EBF1: variants seen among roughly 807,000 people sequenced by gnomAD.
The protein encoded by EBF1 is EBF transcription factor 1.
In EBF1, 10 loss-of-function variants were observed where a neutral mutation model predicts 68.4. The observed-to-expected ratio is 0.15, with a 90% CI of 0.09 to 0.25. The LOEUF is 0.25. Ranked by LOEUF, EBF1 falls within the 10% of genes least tolerant of loss-of-function variation. The probability of loss-of-function intolerance (pLI) is 1.00; values close to 1 mark genes in which losing one functional copy is unlikely to be tolerated. For synonymous variants in EBF1, 298 were observed against 299.8 expected (o/e 0.99, Z 0.06); for missense variants, 509 against 794.4 (o/e 0.64, Z 4.32).
chr5:158,879,371 G>A (rs945236833), intron 6 of EBF1, among the ~76,000 whole-genome samples: 1 of 152,198 alleles, frequency 6.6e-6, no homozygotes, highest in Non-Finnish European at 1.5e-5. Flanking sequence ...CAAAGAGGCT[G>A]TCCTGAGAAA....
In EBF1 at chr5:158,768,935, A is replaced by G. The variant is rs76739947; in HGVS notation, c.1036+8478T>C. On this transcript the variant is annotated intron_variant, in intron 10 of 15. Transcript: ENST00000313708. ...AAACCAAATCATGTTATATCATACT[A>G]AAAAGATTAGAGGTTCAAAACTTTA... 5.9e-5 allele frequency among the ~76,000 whole-genome samples: 9 copies of G among 152,290 alleles called. No homozygotes were observed. In the East Asian group the frequency reaches 1.7e-3, roughly 29 times the overall value.
At position 158,706,498 on chromosome 5, in the gene EBF1, C is replaced by T. The variant is rs191440211; in HGVS notation, c.1744+1481G>A. On this transcript the variant is annotated intron_variant, in intron 15 of 15. Coordinates refer to ENST00000313708, the MANE Select transcript of EBF1 (RefSeq NM_024007.5). ...TAATGGGACTAGTGCTGACATCATA[C>T]GGTCTTCAGGAGAATCACTATATGC... 3.8e-4 allele frequency among the ~76,000 whole-genome samples: 58 copies of T among 152,254 alleles called. 1 individual carries two copies. The highest frequency in any genetic ancestry group is 2.9e-3 in the Admixed American group (44 of 15,298).
At chr5:158,827,618 T>A (rs1421807636) in intron 7 of EBF1, among the ~76,000 whole-genome samples, 1 of 152,188 alleles carries the variant, frequency 6.6e-6, no homozygotes, top group Non-Finnish European at 1.5e-5. Flanking sequence ...CTTCCCTTCA[T>A]GTCAGGCAGG....
chr5:158,738,821 T>C (rs1249991491), intron 10 of EBF1, among the ~76,000 whole-genome samples: 1 of 152,236 alleles, frequency 6.6e-6, no homozygotes, highest in Non-Finnish European at 1.5e-5. Context: ...CAAGTCCTGA[T>C]ACCAAATCAA....
At chr5:159,039,939 C>T (rs1770838186) in intron 6 of EBF1, among the ~76,000 whole-genome samples, 1 of 152,200 alleles carries the variant, frequency 6.6e-6, no homozygotes, top group African/African-American at 2.4e-5. Context: ...TAAACAAAAG[C>T]TTTGCTTGAG....
intron 11 of EBF1, among the ~76,000 whole-genome samples, chr5:158,717,494 T>C (rs1230748162): frequency 6.6e-6 from 1 of 152,206 alleles, no homozygotes; most frequent in African/African-American, 2.4e-5. Context: ...CTAGTACTAA[T>C]ATCTAATGTT....
intron 13 of EBF1, among the ~76,000 whole-genome samples, chr5:158,712,656 C>T (rs1759664166): frequency 6.6e-6 from 1 of 152,146 alleles, no homozygotes; most frequent in African/African-American, 2.4e-5. Context: ...TTCCTATTCC[C>T]TGGGCAAGAA....
At chr5:158,993,989 G>A (rs1161381396) in intron 6 of EBF1, among the ~76,000 whole-genome samples, 1 of 152,178 alleles carries the variant, frequency 6.6e-6, no homozygotes, top group East Asian at 1.9e-4. Context: ...TTTAAGCATT[G>A]TGGATAAATG....
chr5:159,087,298 A>G (rs1369009074), intron 4 of EBF1, among the ~76,000 whole-genome samples: 2 of 143,948 alleles, frequency 1.4e-5, no homozygotes, highest in Non-Finnish European at 3.0e-5. Flanking sequence ...ATACACATAT[A>G]TATATACACA....
chr5:158,698,140 G>A lies in EBF1; in HGVS notation c.*971C>T, dbSNP rs543225366. ...TAGGTATGAAGTCTGCATTTAGGAC[G>A]AGTAAACTTTAAACTTGCAAATGGG... is the stretch of plus-strand genomic sequence containing the variant. On this transcript the variant is annotated 3_prime_UTR_variant, in exon 16 of 16. Transcript: ENST00000313708. The A allele has an allele frequency of 1.4e-5, 3 of 219,776 alleles. No individual in the cohort carries two copies. Among genetic ancestry groups the A allele is most frequent in the Admixed American group, 1.2e-4 (2 of 17,300 alleles). The allele number at this position is 219,776 out of a possible 1,614,324, so 13.6% of individuals were successfully genotyped here.
chr5:158,739,481 G>T (rs761850852), intron 10 of EBF1, among the ~76,000 whole-genome samples: 1 of 152,132 alleles, frequency 6.6e-6, no homozygotes, highest in Non-Finnish European at 1.5e-5. Context: ...GCAAACAGAA[G>T]TTGAATGTAC....
intron 15 of EBF1, among the ~76,000 whole-genome samples, chr5:158,703,002 T>G (rs878987448): frequency 6.6e-6 from 1 of 152,214 alleles, no homozygotes; most frequent in African/African-American, 2.4e-5. Flanking sequence ...TTTTAATTTT[T>G]CATGCGTAGA....
intron 15 of EBF1, among the ~76,000 whole-genome samples, chr5:158,700,446 T>C (rs185730412): frequency 5.7e-4 from 87 of 152,228 alleles, no homozygotes; most frequent in Admixed American, 1.6e-3. Context: ...ATTAGTGTTC[T>C]TGTCAGTGAT....
chr5:158,936,633 G>A (rs572530599), intron 6 of EBF1, among the ~76,000 whole-genome samples: 1 of 152,288 alleles, frequency 6.6e-6, no homozygotes, highest in Admixed American at 6.5e-5. Flanking sequence ...TCTATTGCAA[G>A]TCACTCCTAT....
chr5:158,799,152 G>A (rs1015219619), intron 8 of EBF1, among the ~76,000 whole-genome samples: 1 of 152,184 alleles, frequency 6.6e-6, no homozygotes, highest in Admixed American at 6.6e-5. Context: ...GTCAAACTGG[G>A]TATAGTGGCT....
At chr5:158,706,871 G>C (rs183645994) in intron 15 of EBF1, among the ~76,000 whole-genome samples, 7 of 152,298 alleles carry the variant, frequency 4.6e-5, no homozygotes, top group Admixed American at 2.6e-4. Flanking sequence ...AGGAAGATGT[G>C]AGGATTAAAT....
chr5:158,975,423 G>C (rs903657445), intron 6 of EBF1, among the ~76,000 whole-genome samples: 1 of 152,190 alleles, frequency 6.6e-6, no homozygotes, highest in African/African-American at 2.4e-5. Context: ...TCAGATCAGT[G>C]CTAAAGTTGT....
intron 6 of EBF1, among the ~76,000 whole-genome samples, chr5:158,935,103 C>G (rs1032359075): frequency 6.6e-6 from 1 of 152,202 alleles, no homozygotes; most frequent in Non-Finnish European, 1.5e-5. Context: ...AGTGTTTATT[C>G]TTGGGAAATG....
At chr5:158,825,430 C>G (rs17056278) in intron 7 of EBF1, among the ~76,000 whole-genome samples, 8,104 of 151,608 alleles carry the variant, frequency 0.053, 301 homozygotes, top group Non-Finnish European at 0.071. Flanking sequence ...AATCCCAAAC[C>G]ATATCTGTTT....
Sources: allele counts gnomAD v4.1 joint callset (sites outside exome capture counted in the v4.1 genomes callset), GRCh38; gene constraint gnomAD v4.1.1; transcripts MANE v1.5; gene names NCBI Gene and HGNC (gene_info 2026-07-23, HGNC 2026-07-21).